Variants in TDRD1 observed in about 807,000 individuals in gnomAD.
TDRD1 encodes tudor domain containing 1, also known as tudor domain-containing protein 1.
Under a neutral mutation model 140.6 loss-of-function variants are expected in TDRD1, and 37 were observed. That is an observed-to-expected ratio of 0.26 (90% CI 0.20 to 0.35). The LOEUF (loss-of-function observed/expected upper bound fraction) is 0.35. TDRD1 is among the 10% of genes least tolerant of loss of function. The probability of loss-of-function intolerance (pLI) is 1.00; values close to 1 mark genes in which losing one functional copy is unlikely to be tolerated. For synonymous variants in TDRD1, 506 were observed against 475.7 expected (o/e 1.06, Z -0.83); for missense variants, 1,243 against 1,393.0 (o/e 0.89, Z 1.71).
intron 16 of TDRD1, among the ~76,000 whole-genome samples, chr10:114,217,009 T>G (rs1160584346): frequency 1.3e-5 from 2 of 152,220 alleles, no homozygotes; most frequent in African/African-American, 4.8e-5. Context: ...CTTCTGCGCT[T>G]CGCTAGCCTG....
chr10:114,203,473 C>A lies in TDRD1; in HGVS notation c.887C>A (p.Ser296Tyr), dbSNP rs745783399. The A allele has an allele frequency of 2.5e-6, 4 of 1,614,022 alleles. No homozygotes were observed. The South Asian group carries it at 4.4e-5, about 18-fold the overall frequency. Reference sequence around the variant, plus strand: ...GTTTTAGAATACATGAACCAACTCTCTGCCAGCTTAAAAGAAACATATGCA... The same window carrying A: ...GTTTTAGAATACATGAACCAACTCTATGCCAGCTTAAAAGAAACATATGCA... The change falls in exon 8 of 26, where the codon TCT becomes TAT. Residue 296 changes from serine (S) to tyrosine (Y), a missense_variant. Transcript: ENST00000251864.
At chr10:114,190,576 C>T (rs1469943610) in intron 2 of TDRD1, among the ~76,000 whole-genome samples, 2 of 152,218 alleles carry the variant, frequency 1.3e-5, no homozygotes, top group Non-Finnish European at 2.9e-5. Flanking sequence ...AAACCTCCGC[C>T]TCCCAGGTTC....
chr10:114,190,984 G>A lies in TDRD1; in HGVS notation c.349G>A (p.Ala117Thr), dbSNP rs144921147. The A allele has an allele frequency of 7.4e-6, 12 of 1,613,866 alleles. No homozygotes were observed. The African/African-American group carries it at 1.3e-4, about 18-fold the overall frequency. Residue 117 changes from alanine to threonine, a missense_variant, in exon 3 of 26, where the codon GCT becomes ACT. By Grantham distance (58) the Ala-to-Thr change is moderately conservative. Around this residue, in one of 5 missense-constraint regions of TDRD1, gnomAD observed 237 missense variants for 215.5 expected, o/e 1.10. Coordinates refer to ENST00000251864, the Ensembl canonical transcript of TDRD1. ...AGGAAACTCAGTGTCACCACCAAGTGCTGAAAGTAATTCACCACCCAAAGA... is the reference window on the plus strand; with the variant it reads ...AGGAAACTCAGTGTCACCACCAAGTACTGAAAGTAATTCACCACCCAAAGA...
At chr10:114,203,087 G>A in exon 7 of TDRD1, 2 of 1,612,710 alleles carry the variant, frequency 1.2e-6, no homozygotes, top group Non-Finnish European at 1.7e-6. Context: ...CTGTCCACTT[G>A]GAGTTACTAA....
At chr10:114,225,356 G>C (rs1215034659) in intron 21 of TDRD1, among the ~76,000 whole-genome samples, 1 of 152,148 alleles carries the variant, frequency 6.6e-6, no homozygotes, top group Non-Finnish European at 1.5e-5. Context: ...CTTAACTCCT[G>C]CTTTTGAATG....
intron 2 of TDRD1, among the ~76,000 whole-genome samples, chr10:114,188,912 A>G (rs1362694650): frequency 2.0e-5 from 3 of 150,656 alleles, no homozygotes; most frequent in Admixed American, 6.6e-5. Flanking sequence ...TAAAGAGGTT[A>G]GGACCTGGTA....
intron 25 of TDRD1, among the ~76,000 whole-genome samples, chr10:114,229,815 A>ATT (rs199773341): frequency 3.6e-5 from 5 of 138,600 alleles, no homozygotes; most frequent in African/African-American, 1.4e-4. Context: ...ATATATATAT[A>ATT]TATTTTTTTT....
At chr10:114,213,503 T>C in exon 15 of TDRD1, 1 of 1,613,982 alleles carries the variant, frequency 6.2e-7, no homozygotes, top group Non-Finnish European at 8.5e-7. Context: ...ATGTCAGTGT[T>C]AGCAAAGTTC....
upstream of TDRD1, among the ~76,000 whole-genome samples, chr10:114,175,623 C>T (rs115703478): frequency 0.017 from 2,611 of 152,196 alleles, 67 homozygotes; most frequent in African/African-American, 0.059. Context: ...AGTGCTGATT[C>T]CCAGTAGGGG....
chr10:114,228,781 C>T (rs1343903919), intron 25 of TDRD1: 2 of 985,306 alleles, frequency 2.0e-6, no homozygotes, highest in Non-Finnish European at 2.4e-6. Context: ...TGATTAAGAG[C>T]CAATTAGAAC....
chr10:114,222,951 C>T (rs183247584), intron 21 of TDRD1, among the ~76,000 whole-genome samples: 5 of 152,192 alleles, frequency 3.3e-5, no homozygotes, highest in East Asian at 3.9e-4. Context: ...ATAACCAGCT[C>T]GAGATAACCA....
At chr10:114,216,823 A>G (rs2035842136) in intron 16 of TDRD1, among the ~76,000 whole-genome samples, 1 of 152,206 alleles carries the variant, frequency 6.6e-6, no homozygotes, top group African/African-American at 2.4e-5. Context: ...AAACATCTGA[A>G]ACATTAGAAT....
chr10:114,199,546 G>A (rs1390091969), intron 4 of TDRD1, among the ~76,000 whole-genome samples: 11 of 152,078 alleles, frequency 7.2e-5, no homozygotes, highest in Admixed American at 7.2e-4. Context: ...AAGCTCACAT[G>A]CAATGAAATG....
At position 114,201,395 on chromosome 10, in the gene TDRD1, G is replaced by A. The variant is rs1175086672; in HGVS notation, c.530-15G>A. The A allele has an allele frequency of 6.2e-6, 10 of 1,603,088 alleles. No homozygotes were observed. The highest frequency in any genetic ancestry group is 8.5e-6 in the Non-Finnish European group (10 of 1,170,266). On this transcript the variant is annotated splice_polypyrimidine_tract_variant and intron_variant, in intron 4 of 25. Coordinates refer to ENST00000251864, the Ensembl canonical transcript of TDRD1. ...TGATCTTCATCTGAACTATTTTGTG[G>A]GTGGTGTTTTCTAGGATCGCTGAGG...
chr10:114,214,002 A>G (rs1203070297), exon 16 of TDRD1: 2 of 1,613,810 alleles, frequency 1.2e-6, no homozygotes, highest in East Asian at 2.2e-5. Context: ...AAGGAAAAGT[A>G]AATCCATTGG....
chr10:114,192,499 G>A (rs2034054944), intron 3 of TDRD1, among the ~76,000 whole-genome samples: 1 of 151,266 alleles, frequency 6.6e-6, no homozygotes, highest in Admixed American at 6.6e-5. Flanking sequence ...GTAGAGATGG[G>A]GTTTCACCGT....
At chr10:114,223,001 G>C (rs761392647) in intron 21 of TDRD1, among the ~76,000 whole-genome samples, 1 of 152,178 alleles carries the variant, frequency 6.6e-6, no homozygotes, top group Non-Finnish European at 1.5e-5. Flanking sequence ...TTTCTTTATG[G>C]AGGGGTTGCA....
In TDRD1 at chr10:114,196,949, C is replaced by T. The variant is rs543697209; in HGVS notation, c.385-2224C>T. Among the ~76,000 whole-genome samples the T allele has an allele frequency of 1.9e-3, 268 of 138,586 alleles. 1 individual carries two copies. Among genetic ancestry groups the T allele is most frequent in the African/African-American group, 7.0e-3 (253 of 36,094 alleles). 90.9% of individuals were successfully genotyped at this position (138,586 alleles called of 152,430 possible). A position where few individuals can be genotyped will look rare whatever the true frequency, so the allele number is the denominator to read the frequency against. On this transcript the variant is annotated intron_variant, in intron 3 of 25. Coordinates refer to ENST00000251864, the Ensembl canonical transcript of TDRD1. ...GCAACCTCTGCCTCCTGGGTTTAAG[C>T]GATTCTCCTGTCTCAGCCTCCCAAG...
At chr10:114,192,758 A>G (rs1043450348) in intron 3 of TDRD1, among the ~76,000 whole-genome samples, 3 of 152,110 alleles carry the variant, frequency 2.0e-5, no homozygotes, top group Admixed American at 6.5e-5. Context: ...TCAATTGGAC[A>G]TATTTGTGTC....
Sources: allele counts gnomAD v4.1 joint callset (sites outside exome capture counted in the v4.1 genomes callset), GRCh38; gene constraint gnomAD v4.1.1; regional missense constraint gnomAD v4.1.1; transcripts MANE v1.5; gene names NCBI Gene and HGNC (gene_info 2026-07-23, HGNC 2026-07-21).